AHNAK2: variants seen among roughly 807,000 people sequenced by gnomAD.
The protein encoded by AHNAK2 is AHNAK nucleoprotein 2.
In AHNAK2, 18 loss-of-function variants were observed where a neutral mutation model predicts 30.7. The observed-to-expected ratio is 0.59, with a 90% CI of 0.41 to 0.87. AHNAK2 has a LOEUF of 0.87. Among genes scored for constraint, AHNAK2 ranks in the 40% least tolerant of loss-of-function variants. The pLI, the probability that AHNAK2 is intolerant of heterozygous loss-of-function variation, is 0.00. For synonymous variants in AHNAK2, 3,590 were observed against 3,073.8 expected (o/e 1.17, Z -5.56); for missense variants, 8,604 against 7,373.0 (o/e 1.17, Z -6.11).
chr14:104,976,492 T>A (rs867443574), intron 1 of AHNAK2, among the ~76,000 whole-genome samples: 1 of 152,056 alleles, frequency 6.6e-6, no homozygotes, highest in Non-Finnish European at 1.5e-5. Flanking sequence ...GCAGGGTGCT[T>A]GTCAGGAATG....
rs754011980 is a variant in AHNAK2, at chr14:104,945,479, G to C, written c.9972C>G (p.Gly3324=). Residue 3324 remains glycine, a synonymous_variant, in exon 7 of 7, where the codon GGC becomes GGG. Coordinates refer to ENST00000333244, the MANE Select transcript of AHNAK2 (RefSeq NM_138420.4). ...KMPSYRASAP[G]KSIQASVDVS... is the part of the protein sequence containing the mutation. Reference sequence around the variant, plus strand: ...CATCCACCGAGGCCTGGATGGACTTGCCTGGGGCAGACGCCCTGTACGACG... The same window carrying C: ...CATCCACCGAGGCCTGGATGGACTTCCCTGGGGCAGACGCCCTGTACGACG... The C allele has an allele frequency of 6.2e-7, 1 of 1,613,416 alleles. No homozygotes were observed. Among genetic ancestry groups the C allele is most frequent in the Non-Finnish European group, 8.5e-7 (1 of 1,179,738 alleles).
intron 1 of AHNAK2, among the ~76,000 whole-genome samples, chr14:104,976,284 A>AGGGG (rs905728152): frequency 1.3e-5 from 2 of 152,170 alleles, no homozygotes; most frequent in Non-Finnish European, 2.9e-5. Context: ...CATGGCCACC[A>AGGGG]GGGGGCAGCC....
At chr14:104,962,304 C>A (rs1201973594) in intron 1 of AHNAK2, among the ~76,000 whole-genome samples, 2 of 152,150 alleles carry the variant, frequency 1.3e-5, no homozygotes, top group Non-Finnish European at 2.9e-5. Context: ...TTCAGTCATC[C>A]GAGTTCTCTT....
chr14:104,959,258 C>T (rs1416254829), intron 1 of AHNAK2, among the ~76,000 whole-genome samples: 1 of 152,164 alleles, frequency 6.6e-6, no homozygotes, highest in Non-Finnish European at 1.5e-5. Flanking sequence ...CTGCAACCTC[C>T]GCCTCCCAGG....
chr14:104,977,143 C>T (rs1899613584), intron 1 of AHNAK2, among the ~76,000 whole-genome samples: 1 of 152,172 alleles, frequency 6.6e-6, no homozygotes, highest in African/African-American at 2.4e-5. Context: ...CCAGGGGCAC[C>T]CCTCTCACCT....
chr14:104,970,741 C>T (rs939144472), intron 1 of AHNAK2, among the ~76,000 whole-genome samples: 4 of 152,236 alleles, frequency 2.6e-5, no homozygotes, highest in African/African-American at 9.6e-5. Context: ...GAGCAGCTGA[C>T]TGCAGAGGAA....
At position 104,950,964 on chromosome 14, in the gene AHNAK2, G is replaced by C. The variant is rs1259750371; in HGVS notation, c.4487C>G (p.Pro1496Arg). Residue 1496 changes from proline (P) to arginine (R), a missense_variant, in exon 7 of 7, where the codon CCC (proline) becomes CGC (arginine). Transcript: ENST00000333244. ...LTTKDSKFKMPKFKMPSFGVS... is the reference protein window; with the variant it reads ...LTTKDSKFKMRKFKMPSFGVS... ...CCCGAACGACGGCATCTTGAACTTG[G>C]GCATTTTGAACTTGCTGTCTTTGGT... 6.8e-7 allele frequency: 1 copy of C among 1,460,892 alleles called. No individual in the cohort carries two copies. Among genetic ancestry groups the C allele is most frequent in the African/African-American group, 1.4e-5 (1 of 70,368 alleles). The allele number at this position is 1,460,892 out of a possible 1,614,324, so 90.5% of individuals were successfully genotyped here.
intron 3 of AHNAK2, 136 bp from the exon 4 acceptor site, chr14:104,956,825 G>C: frequency 2.6e-6 from 2 of 767,774 alleles, no homozygotes; most frequent in Non-Finnish European, 4.3e-6. Flanking sequence ...GTGTGCAGAG[G>C]CAGCCGAGTT....
At position 104,951,187 on chromosome 14, in the gene AHNAK2, G is replaced by C; in HGVS notation, c.4264C>G (p.Pro1422Ala). ...TCAGGGCCCTTGAGGTCCACTTTGG[G>C]CACCTTGAAACTGGGCATCTGCAGC... ...PKLQMPSFKV[P>A]KVDLKGPEID... The change falls in exon 7 of 7, where the codon CCC becomes GCC. Residue 1422 changes from proline to alanine, a missense_variant. Physicochemically the swap from Pro to Ala is conservative, Grantham distance 27 (BLOSUM62 -1). Transcript: ENST00000333244. 1 of 1,071,482 alleles carries C rather than the reference G, an allele frequency of 9.3e-7. No homozygotes were observed. The highest frequency in any genetic ancestry group is 2.3e-5 in the East Asian group (1 of 43,756). The allele number at this position is 1,071,482 out of a possible 1,614,324, so 66.4% of individuals were successfully genotyped here. A position where few individuals can be genotyped will look rare whatever the true frequency, so the allele number is the denominator to read the frequency against.
chr14:104,948,322 C>G lies in AHNAK2; in HGVS notation c.7129G>C (p.Val2377Leu), dbSNP rs201702130. ...SVQPPSADLE[V>L]QAGQVDVKLP... ...TTCACATCCACTTGGCCAGCCTGGA[C>G]CTCCAGGTCAGCGGAAGGGGGCTGA... Residue 2377 changes from valine (V) to leucine (L), a missense_variant, in exon 7 of 7, where the codon GTC becomes CTC. Transcript: ENST00000333244. 2.6e-5 allele frequency: 42 copies of G among 1,612,536 alleles called. No homozygotes were observed. In the African/African-American group the frequency reaches 3.1e-4, roughly 12 times the overall value.
Position 104,954,781 on chromosome 14 carries a change from C to T in AHNAK2, c.670G>A (p.Gly224Arg), listed in dbSNP as rs771217459. 6.4e-7 allele frequency: 1 copy of T among 1,572,996 alleles called. No homozygotes were observed. Among genetic ancestry groups the T allele is most frequent in the Non-Finnish European group, 8.6e-7 (1 of 1,159,774 alleles). The change falls in exon 7 of 7, where the codon GGG becomes AGG. Residue 224 changes from glycine (G) to arginine (R), a missense_variant. Coordinates refer to ENST00000333244, the MANE Select transcript of AHNAK2 (RefSeq NM_138420.4). The surrounding 1 kb of genome is among the most constrained non-coding windows in gnomAD (Gnocchi z 4.3). ...GTTTTCGTGGGGGTCTCTCTGCACC[C>T]ATCAGCAACATCCGTGTCCTGAAAC... is the stretch of plus-strand genomic sequence containing the variant. ...KEKEDTDVAD[G>R]CRETPTKTLE...
Position 104,942,241 on chromosome 14 carries a change from T to A in AHNAK2, c.13210A>T (p.Asn4404Tyr), listed in dbSNP as rs560796945. The A allele has an allele frequency of 1.2e-6, 2 of 1,612,264 alleles. No homozygotes were observed. Among genetic ancestry groups the A allele is most frequent in the Non-Finnish European group, 1.7e-6 (2 of 1,179,502 alleles). ...CCTTTCAGGTCCAGCTTGGGGACATTAACGTCTATCTGGGGACCCTTGAGG... is the reference window on the plus strand; with the variant it reads ...CCTTTCAGGTCCAGCTTGGGGACATAAACGTCTATCTGGGGACCCTTGAGG... ...VDLKGPQIDV[N>Y]VPKLDLKGPK... is the part of the protein sequence containing the mutation. Residue 4404 changes from asparagine (N) to tyrosine (Y), a missense_variant, in exon 7 of 7, where the codon AAT becomes TAT. Transcript: ENST00000333244.
Position 104,950,054 on chromosome 14 carries a change from C to T in AHNAK2, c.5397G>A (p.Lys1799=), listed in dbSNP as rs746473661. The T allele has an allele frequency of 6.9e-6, 11 of 1,587,100 alleles. 1 individual carries two copies. Among genetic ancestry groups the T allele is most frequent in the Non-Finnish European group, 3.4e-6 (4 of 1,163,152 alleles). Residue 1799 remains lysine, a synonymous_variant, in exon 7 of 7, where the codon AAG becomes AAA. Coordinates refer to ENST00000333244, the MANE Select transcript of AHNAK2 (RefSeq NM_138420.4). ...VEVDVEAPGA[K]LDSVRLEGDL... ...CACCCTCCAGCCGCACACTGTCCAG[C>T]TTGGCTCCTGGAGCCTCGACGTCCA...
At position 104,949,997 on chromosome 14, in the gene AHNAK2, G is replaced by C. The variant is rs571137543; in HGVS notation, c.5454C>G (p.Ala1818=). Residue 1818 remains alanine (A), a synonymous_variant, in exon 7 of 7, where the codon GCC becomes GCG. Transcript: ENST00000333244. ...DLSLADKDVT[A]KDSKFKMPKF... is the part of the protein sequence containing the mutation. ...TGGGCATTTTGAACTTGCTGTCTTT[G>C]GCAGTCACATCCTTGTCGGCCAGGG... 2 of 1,587,754 alleles carry C rather than the reference G, an allele frequency of 1.3e-6. No individual in the cohort carries two copies. Among genetic ancestry groups the C allele is most frequent in the East Asian group, 4.5e-5 (2 of 44,706 alleles).
Position 104,953,485 on chromosome 14 carries a change from G to T in AHNAK2, c.1966C>A (p.Arg656Ser). The T allele has an allele frequency of 6.2e-7, 1 of 1,613,948 alleles. No individual in the cohort carries two copies. The highest frequency in any genetic ancestry group is 8.5e-7 in the Non-Finnish European group (1 of 1,179,882). The change falls in exon 7 of 7, where the codon CGC becomes AGC. Residue 656 changes from arginine (R) to serine (S), a missense_variant. By Grantham distance (110) the Arg-to-Ser change is moderately radical. Coordinates refer to ENST00000333244, the MANE Select transcript of AHNAK2 (RefSeq NM_138420.4). ...GTCAGAATTTGTTCCTTTTTTAAGCGTTTTTCATCGTGTATTAGTTGTATT... is the reference window on the plus strand; with the variant it reads ...GTCAGAATTTGTTCCTTTTTTAAGCTTTTTTCATCGTGTATTAGTTGTATT... The part of the protein sequence containing the change: ...TKIQLIHDEK[R>S]LKKEQILTEK...
At position 104,961,125 on chromosome 14, in the gene AHNAK2, T is replaced by C. The variant is rs1222820377; in HGVS notation, c.56-3453A>G. On this transcript the variant is annotated intron_variant, in intron 1 of 6. Coordinates refer to ENST00000333244, the MANE Select transcript of AHNAK2 (RefSeq NM_138420.4). ...CAGCCTTGGTAACAGACCAAGACTC[T>C]GTCTCCAAAAAAAAAAACAAATAAA... Among the ~76,000 whole-genome samples, 6 of 151,336 alleles carry C rather than the reference T, an allele frequency of 4.0e-5. No individual in the cohort carries two copies. The East Asian group carries it at 1.2e-3, about 29-fold the overall frequency.
rs182868270 is a variant in AHNAK2 at position 104,945,652 on chromosome 14, C to G, written c.9799G>C (p.Val3267Leu). 3 of 1,575,242 alleles carry G rather than the reference C, an allele frequency of 1.9e-6. No individual in the cohort carries two copies. Among genetic ancestry groups the G allele is most frequent in the South Asian group, 2.3e-5 (2 of 88,184 alleles). Residue 3267 changes from valine (V) to leucine (L), a missense_variant, in exon 7 of 7, where the codon GTG (valine) becomes CTG (leucine). By Grantham distance (32) the Val-to-Leu change is conservative. Transcript: ENST00000333244. ...GPKMDVTAPD[V>L]EVSQPSMEVD... Reference sequence around the variant, plus strand: ...TCCATGCTGGGCTGAGACACCTCCACGTCGGGGGCCGTCACATCCATCTTC... The same window carrying G: ...TCCATGCTGGGCTGAGACACCTCCAGGTCGGGGGCCGTCACATCCATCTTC...
rs1755100121 is a variant in AHNAK2, at chr14:104,944,889, A to G, written c.10562T>C (p.Leu3521Pro). 1 of 1,613,064 alleles carries G rather than the reference A, an allele frequency of 6.2e-7. No homozygotes were observed. Among genetic ancestry groups the G allele is most frequent in the African/African-American group, 1.3e-5 (1 of 74,824 alleles). The change falls in exon 7 of 7, where the codon CTC (leucine) becomes CCC (proline). Residue 3521 changes from leucine (L) to proline (P), a missense_variant. Physicochemically the swap from Leu to Pro is moderately conservative, Grantham distance 98. Coordinates refer to ENST00000333244, the MANE Select transcript of AHNAK2 (RefSeq NM_138420.4). ...SMQGDLKATDLSIQPPSADLE... is the reference protein window; with the variant it reads ...SMQGDLKATDPSIQPPSADLE... The stretch of plus-strand genomic sequence containing the variant: ...GTCAGCGGAAGGGGGCTGAATGCTG[A>G]GGTCAGTGGCCTTGAGGTCCCCCTG...
rs373272053 is a variant in AHNAK2, at chr14:104,942,863, T to A, written c.12588A>T (p.Gln4196His). 6.2e-7 allele frequency: 1 copy of A among 1,612,524 alleles called. No homozygotes were observed. Among genetic ancestry groups the A allele is most frequent in the Non-Finnish European group, 8.5e-7 (1 of 1,179,410 alleles). The change falls in exon 7 of 7, where the codon CAA (glutamine) becomes CAT (histidine). Residue 4196 changes from glutamine (Q) to histidine (H), a missense_variant. Transcript: ENST00000333244. ...GGCCCTCCGGGAGTTTCACGTCCACTTGGCCAGCCTGGACCTCCAGGTCGG... is the reference window on the plus strand; with the variant it reads ...GGCCCTCCGGGAGTTTCACGTCCACATGGCCAGCCTGGACCTCCAGGTCGG... ...PSADLEVQAG[Q>H]VDVKLPEGPL...
Sources: gnomAD v4.1 joint callset for allele counts (sites outside exome capture counted in the v4.1 genomes callset) on GRCh38, gnomAD v4.1.1 for gene constraint, Gnocchi (gnomAD v3.1) non-coding constraint, MANE v1.5 for transcripts, NCBI Gene and HGNC (gene_info 2026-07-23, HGNC 2026-07-21) for gene names.